Variants in CD2AP observed in about 807,000 individuals in gnomAD.
CD2AP encodes CD2 associated protein, also known as CD2-associated protein.
A neutral mutation model predicts 85.1 loss-of-function variants in CD2AP; 46 were observed. The observed-to-expected ratio is 0.54, with a 90% CI of 0.43 to 0.69. The LOEUF (loss-of-function observed/expected upper bound fraction) is 0.69, where lower values mean the gene tolerates loss of function less well. Ranked by LOEUF, CD2AP falls within the 30% of genes least tolerant of loss-of-function variation. The pLI is 0.00. For missense variants in CD2AP, 769 were observed against 729.5 expected (o/e 1.05, Z -0.62); for synonymous variants, 255 against 252.9 (o/e 1.01, Z -0.08).
intron 1 of CD2AP, among the ~76,000 whole-genome samples, chr6:47,496,366 C>T (rs1372005377): frequency 2.0e-5 from 3 of 152,084 alleles, no homozygotes; most frequent in Admixed American, 6.5e-5. Flanking sequence ...CTTTGTTTTA[C>T]GATTTTCTTT....
At chr6:47,499,852 C>G (rs1440762695) in intron 1 of CD2AP, among the ~76,000 whole-genome samples, 2 of 152,148 alleles carry the variant, frequency 1.3e-5, no homozygotes, top group African/African-American at 4.8e-5. Flanking sequence ...CCTCAGCCTC[C>G]TGAGTAGCTG....
At chr6:47,571,768 C>T (rs145813128) in intron 5 of CD2AP, among the ~76,000 whole-genome samples, 1 of 152,076 alleles carries the variant, frequency 6.6e-6, no homozygotes, top group Non-Finnish European at 1.5e-5. Context: ...TTCTTTCTCT[C>T]TAGATTTCAG....
chr6:47,622,915 A>T (rs2114167470), intron 17 of CD2AP, among the ~76,000 whole-genome samples: 1 of 152,318 alleles, frequency 6.6e-6, no homozygotes, highest in Admixed American at 6.5e-5. Flanking sequence ...GTTTACAAGA[A>T]GTATTGCTGA....
chr6:47,489,659 A>G (rs1317554688), intron 1 of CD2AP, among the ~76,000 whole-genome samples: 3 of 152,222 alleles, frequency 2.0e-5, no homozygotes, highest in African/African-American at 7.2e-5. Flanking sequence ...CCACAAGAAT[A>G]TGAGGTAAAA....
intron 10 of CD2AP, among the ~76,000 whole-genome samples, 157 bp from the exon 11 acceptor site, chr6:47,581,846 A>G (rs1768487784): frequency 6.6e-6 from 1 of 152,210 alleles, no homozygotes; most frequent in Non-Finnish European, 1.5e-5. Context: ...GTCCAGGATT[A>G]GAAATTGAGC....
chr6:47,556,014 G>T (rs944537014), intron 5 of CD2AP, among the ~76,000 whole-genome samples: 6 of 150,326 alleles, frequency 4.0e-5, no homozygotes, highest in African/African-American at 1.5e-4. Flanking sequence ...ATAAACCTCA[G>T]TGCACTCAGT....
chr6:47,508,691 C>T (rs777108206), intron 2 of CD2AP, among the ~76,000 whole-genome samples: 2 of 151,830 alleles, frequency 1.3e-5, no homozygotes, highest in Non-Finnish European at 2.9e-5. Context: ...ATTACAGGGG[C>T]GTGCCACCAC....
chr6:47,519,576 C>G (rs1562013161), intron 2 of CD2AP, among the ~76,000 whole-genome samples: 1 of 152,140 alleles, frequency 6.6e-6, no homozygotes, highest in Non-Finnish European at 1.5e-5. Context: ...CTTCCTGTGT[C>G]AAAGCAGGGA....
At chr6:47,562,775 T>C (rs1767896002) in intron 5 of CD2AP, 6 of 1,078,668 alleles carry the variant, frequency 5.6e-6, no homozygotes, top group Admixed American at 5.1e-5. Context: ...GTTTGTGTGC[T>C]TGCATCCAAC....
intron 5 of CD2AP, among the ~76,000 whole-genome samples, chr6:47,566,736 TAGTTTGCTG>T (rs1350171897): frequency 6.6e-6 from 1 of 152,140 alleles, no homozygotes; most frequent in Non-Finnish European, 1.5e-5. Flanking sequence ...GTTCCTGTGT[TAGTTTGCTG>T]AGGATGATGG....
At chr6:47,612,963 A>G (rs1044735553) in intron 17 of CD2AP, among the ~76,000 whole-genome samples, 1 of 152,076 alleles carries the variant, frequency 6.6e-6, no homozygotes, top group Non-Finnish European at 1.5e-5. Flanking sequence ...TATTTTGTAA[A>G]TCCTTTGTTA....
chr6:47,623,589 A>T (rs1769820877), intron 17 of CD2AP, among the ~76,000 whole-genome samples: 1 of 152,190 alleles, frequency 6.6e-6, no homozygotes, highest in Non-Finnish European at 1.5e-5. Context: ...CTCCTTCTTC[A>T]TAAATTCCTT....
At position 47,574,114 on chromosome 6, in the gene CD2AP, A is replaced by ATCAC; in HGVS notation, c.592_593insTCAC (p.Ser198IlefsTer3). The ATCAC allele has an allele frequency of 6.2e-7, 1 of 1,614,068 alleles. No individual in the cohort carries two copies. The highest frequency in any genetic ancestry group is 8.5e-7 in the Non-Finnish European group (1 of 1,179,946). ...ACCTATACCTTCTCTGGGAAATGTG[A>ATCAC]GTGAAACTGCATCTGGATCAGTTAC... is the stretch of plus-strand genomic sequence containing the variant. On this transcript the variant is annotated frameshift_variant, in exon 6 of 18. Transcript: ENST00000359314. LOFTEE classifies it high-confidence loss of function.
intron 2 of CD2AP, among the ~76,000 whole-genome samples, chr6:47,521,069 T>C (rs190868590): frequency 2.6e-5 from 4 of 152,060 alleles, no homozygotes; most frequent in African/African-American, 9.7e-5. Context: ...TTTTTACATA[T>C]GTAAGGTCCA....
chr6:47,497,404 C>T (rs112535924), intron 1 of CD2AP, among the ~76,000 whole-genome samples: 53 of 146,596 alleles, frequency 3.6e-4, no homozygotes, highest in African/African-American at 1.2e-3. Context: ...TTTTTCCTTT[C>T]CTTTCTGTCC....
chr6:47,614,696 A>G (rs1392587654), intron 17 of CD2AP, among the ~76,000 whole-genome samples: 1 of 152,258 alleles, frequency 6.6e-6, no homozygotes, highest in Non-Finnish European at 1.5e-5. Flanking sequence ...TGCTCAGCAC[A>G]GGATTACCAC....
chr6:47,557,690 T>C (rs1423890525), intron 5 of CD2AP, among the ~76,000 whole-genome samples: 1 of 152,206 alleles, frequency 6.6e-6, no homozygotes, highest in African/African-American at 2.4e-5. Context: ...TCTATATATC[T>C]TTTTTGGTAC....
At chr6:47,489,639 A>G (rs1043792716) in intron 1 of CD2AP, among the ~76,000 whole-genome samples, 1 of 152,192 alleles carries the variant, frequency 6.6e-6, no homozygotes, top group Non-Finnish European at 1.5e-5. Context: ...TGTACGGAGC[A>G]TTCGGTTCCC....
intron 6 of CD2AP, among the ~76,000 whole-genome samples, chr6:47,574,870 A>G (rs2114097249): frequency 6.6e-6 from 1 of 152,286 alleles, no homozygotes; most frequent in Non-Finnish European, 1.5e-5. Flanking sequence ...TGGTGGTAAA[A>G]TAGCTACAGT....
Sources: gnomAD v4.1 joint callset for allele counts (sites outside exome capture counted in the v4.1 genomes callset) on GRCh38, gnomAD v4.1.1 for gene constraint, MANE v1.5 for transcripts, NCBI Gene and HGNC (gene_info 2026-07-23, HGNC 2026-07-21) for gene names.